The following RAPGEF5 variants were observed in gnomAD, a reference collection of about 807,000 sequenced individuals.
The protein encoded by RAPGEF5 is Rap guanine nucleotide exchange factor 5.
RAPGEF5 carries 65 observed loss-of-function variants against 125.2 expected under a neutral mutation model. That is an observed-to-expected ratio of 0.52 (90% CI 0.43 to 0.64). The LOEUF is 0.64. RAPGEF5 is among the 30% of genes least tolerant of loss of function. The pLI, the probability that RAPGEF5 is intolerant of heterozygous loss-of-function variation, is 0.00. For missense variants in RAPGEF5, 958 were observed against 1,048.1 expected (o/e 0.91, Z 1.19); for synonymous variants, 391 against 385.9 (o/e 1.01, Z -0.16).
chr7:22,324,794 C>A (rs939058810), intron 1 of RAPGEF5, among the ~76,000 whole-genome samples: 2 of 152,122 alleles, frequency 1.3e-5, no homozygotes, highest in South Asian at 2.1e-4. Flanking sequence ...CATCTTCGCA[C>A]GAATTAATCT....
chr7:22,151,056 T>C (rs777434144), intron 17 of RAPGEF5, among the ~76,000 whole-genome samples: 14 of 152,232 alleles, frequency 9.2e-5, no homozygotes, highest in Non-Finnish European at 1.6e-4. Context: ...ATTGGTTATA[T>C]GATAGTTCAT....
At chr7:22,150,088 T>C (rs1342823222) in intron 18 of RAPGEF5, among the ~76,000 whole-genome samples, 2 of 147,086 alleles carry the variant, frequency 1.4e-5, no homozygotes, top group Non-Finnish European at 3.0e-5. Context: ...TTTTTTTTTT[T>C]TTTTTTTTTG....
At chr7:22,260,540 A>G (rs1011535376) in intron 7 of RAPGEF5, among the ~76,000 whole-genome samples, 3 of 151,822 alleles carry the variant, frequency 2.0e-5, no homozygotes, top group Non-Finnish European at 4.4e-5. Flanking sequence ...AGTAAAAAAA[A>G]AAAAAAAGAT....
At chr7:22,245,363 G>T (rs1178585769) in intron 7 of RAPGEF5, among the ~76,000 whole-genome samples, 1 of 152,060 alleles carries the variant, frequency 6.6e-6, no homozygotes, top group East Asian at 1.9e-4. Context: ...TGCTTTTGGG[G>T]TCATTTCCAC....
chr7:22,188,140 T>C (rs767421739), intron 11 of RAPGEF5, among the ~76,000 whole-genome samples: 25 of 152,200 alleles, frequency 1.6e-4, no homozygotes, highest in Non-Finnish European at 3.4e-4. Context: ...AATATTTACC[T>C]ACCCTCAAAC....
intron 6 of RAPGEF5, among the ~76,000 whole-genome samples, chr7:22,285,681 T>C (rs1157130503): frequency 6.6e-6 from 1 of 152,204 alleles, no homozygotes; most frequent in African/African-American, 2.4e-5. Context: ...TAGAGTACTG[T>C]GAAAGATACA....
intron 23 of RAPGEF5, among the ~76,000 whole-genome samples, chr7:22,132,268 C>T (rs1175200803): frequency 6.6e-6 from 1 of 152,090 alleles, no homozygotes; most frequent in East Asian, 1.9e-4. Flanking sequence ...CAGGAGGTGA[C>T]AATAGTTACA....
chr7:22,138,576 G>C (rs1277986347), intron 21 of RAPGEF5, among the ~76,000 whole-genome samples: 1 of 152,108 alleles, frequency 6.6e-6, no homozygotes, highest in Admixed American at 6.5e-5. Flanking sequence ...GCTGGACCTC[G>C]AAGGCCCTGC....
intron 1 of RAPGEF5, among the ~76,000 whole-genome samples, chr7:22,322,135 CTTTTTCT>C (rs1562528177): frequency 6.6e-6 from 1 of 150,736 alleles, no homozygotes; most frequent in African/African-American, 2.4e-5. Context: ...TTTTCTTTTT[CTTTTTCT>C]TTTTTTTTTT....
chr7:22,263,349 T>G (rs549588672), intron 7 of RAPGEF5, among the ~76,000 whole-genome samples: 1 of 152,314 alleles, frequency 6.6e-6, no homozygotes, highest in African/African-American at 2.4e-5. Context: ...AAATCTAAAG[T>G]TATCTCAAAA....
chr7:22,296,916 G>C (rs1422031011), intron 5 of RAPGEF5, among the ~76,000 whole-genome samples: 1 of 152,190 alleles, frequency 6.6e-6, no homozygotes, highest in East Asian at 1.9e-4. Flanking sequence ...GTCATGTCAA[G>C]TAAGATGAGG....
At chr7:22,242,126 T>C (rs1213655627) in intron 7 of RAPGEF5, among the ~76,000 whole-genome samples, 1 of 152,168 alleles carries the variant, frequency 6.6e-6, no homozygotes, top group African/African-American at 2.4e-5. Flanking sequence ...TTGGCTGGGC[T>C]AGGTCTGAGA....
chr7:22,353,659 G>A (rs1358340771), intron 1 of RAPGEF5, among the ~76,000 whole-genome samples: 1 of 152,170 alleles, frequency 6.6e-6, no homozygotes, highest in East Asian at 1.9e-4. Context: ...AACTCAGGTT[G>A]TGCATTACTT....
At chr7:22,133,969 A>G (rs1316824173) in intron 23 of RAPGEF5, among the ~76,000 whole-genome samples, 1 of 152,208 alleles carries the variant, frequency 6.6e-6, no homozygotes, top group African/African-American at 2.4e-5. Flanking sequence ...TGGGGGGCCT[A>G]ATCCTTCTTA....
chr7:22,201,152 T>C (rs781716176), intron 9 of RAPGEF5, among the ~76,000 whole-genome samples: 12 of 152,122 alleles, frequency 7.9e-5, no homozygotes, highest in Non-Finnish European at 8.8e-5. Flanking sequence ...TTGGATCCCT[T>C]TGGGAGCTGG....
At chr7:22,129,842 G>A (rs1343621952) in intron 24 of RAPGEF5, among the ~76,000 whole-genome samples, 4 of 152,174 alleles carry the variant, frequency 2.6e-5, no homozygotes, top group African/African-American at 9.7e-5. Flanking sequence ...CAGATGCTTG[G>A]GTTTTGGGGG....
chr7:22,246,667 C>CA (rs145477896), intron 7 of RAPGEF5, among the ~76,000 whole-genome samples: 4,711 of 149,986 alleles, frequency 0.031, 103 homozygotes, highest in African/African-American at 0.058. Context: ...TTAGCCTTGG[C>CA]AAAAAAAAAT....
intron 21 of RAPGEF5, among the ~76,000 whole-genome samples, chr7:22,137,650 A>T (rs542096464): frequency 1.3e-5 from 2 of 152,350 alleles, no homozygotes; most frequent in East Asian, 3.9e-4. Flanking sequence ...TGTGGTAAAC[A>T]GCACATATTT....
At chr7:22,194,131 G>A in intron 9 of RAPGEF5, 98 bp from the exon 10 acceptor site, 1 of 1,065,196 alleles carries the variant, frequency 9.4e-7, no homozygotes, top group South Asian at 1.5e-5. Context: ...GTATTTTCTA[G>A]AGTTGCTTTA....
Sources: gnomAD v4.1 joint callset for allele counts (sites outside exome capture counted in the v4.1 genomes callset) on GRCh38, gnomAD v4.1.1 for gene constraint, MANE v1.5 for transcripts, NCBI Gene and HGNC (gene_info 2026-07-23, HGNC 2026-07-21) for gene names.